The following MACROD2 variants were observed in gnomAD, a reference collection of about 807,000 sequenced individuals.
MACROD2 encodes the protein ADP-ribose glycohydrolase MACROD2.
MACROD2 carries 36 observed loss-of-function variants against 70.4 expected under a neutral mutation model. That is an observed-to-expected ratio of 0.51 (90% CI 0.39 to 0.68). The LOEUF is 0.68. MACROD2 is among the 30% of genes least tolerant of loss of function. The pLI is 0.00. For missense variants in MACROD2, 496 were observed against 538.4 expected (o/e 0.92, Z 0.78); for synonymous variants, 172 against 178.8 (o/e 0.96, Z 0.30).
chr20:15,729,803 C>G (rs2050917712), intron 8 of MACROD2, among the ~76,000 whole-genome samples: 1 of 123,818 alleles, frequency 8.1e-6, no homozygotes, highest in East Asian at 2.3e-4. Flanking sequence ...AGATGGGTGT[C>G]TTGAACACAG....
intron 5 of MACROD2, among the ~76,000 whole-genome samples, chr20:14,872,277 G>A (rs778145734): frequency 6.6e-6 from 1 of 152,124 alleles, no homozygotes; most frequent in African/African-American, 2.4e-5. Flanking sequence ...GAGAGTGGAG[G>A]ATTTTATGGC....
chr20:15,727,515 A>G (rs1237344515), intron 8 of MACROD2, among the ~76,000 whole-genome samples: 3 of 152,126 alleles, frequency 2.0e-5, no homozygotes, highest in African/African-American at 7.2e-5. Flanking sequence ...TTGAGTTGGT[A>G]GCTTGCTTTG....
Position 15,340,240 on chromosome 20 carries a change from G to A in MACROD2, c.541-91165G>A, listed in dbSNP as rs557901009. Among the ~76,000 whole-genome samples, 31 of 140,896 alleles carry A rather than the reference G, an allele frequency of 2.2e-4. No homozygotes were observed. In the Admixed American group the frequency reaches 2.3e-3, roughly 10 times the overall value. The allele number at this position is 140,896 out of a possible 152,430, so 92.4% of individuals were successfully genotyped here. A position where few individuals can be genotyped will look rare whatever the true frequency, so the allele number is the denominator to read the frequency against. On this transcript the variant is annotated intron_variant, in intron 6 of 17. Coordinates refer to ENST00000684519, the MANE Select transcript of MACROD2 (RefSeq NM_001351661.2). Reference sequence around the variant, plus strand: ...TGCAACCTCTGCCTCCCAGGTTCAAGCAATTCTCTGCCTCAGCCTCCTGAG... The same window carrying A: ...TGCAACCTCTGCCTCCCAGGTTCAAACAATTCTCTGCCTCAGCCTCCTGAG...
At chr20:15,363,891 A>G (rs1262237608) in intron 6 of MACROD2, among the ~76,000 whole-genome samples, 1 of 152,180 alleles carries the variant, frequency 6.6e-6, no homozygotes, top group Non-Finnish European at 1.5e-5. Context: ...CATATGTTAC[A>G]AGCTACAAGG....
Position 15,521,584 on chromosome 20 carries a change from G to GGGAGAC in MACROD2, c.645+21738_645+21743dup, listed in dbSNP as rs1196742191. The stretch of plus-strand genomic sequence containing the variant: ...ATATTCATAAACTGCCTTTGGATCT[G>GGGAGAC]GGAGACAGAGAGTTTTATGAAACTG... On this transcript the variant is annotated intron_variant, in intron 8 of 17. Coordinates refer to ENST00000684519, the MANE Select transcript of MACROD2 (RefSeq NM_001351661.2). 7.2e-5 allele frequency among the ~76,000 whole-genome samples: 11 copies of GGGAGAC among 152,276 alleles called. No individual in the cohort carries two copies. In the East Asian group the frequency reaches 2.1e-3, roughly 29 times the overall value.
At chr20:15,533,544 GCTCTCTCTCTCTCT>G (rs3071260) in intron 8 of MACROD2, among the ~76,000 whole-genome samples, 16,221 of 141,138 alleles carry the variant, frequency 0.11, 1,014 homozygotes, top group East Asian at 0.3. Flanking sequence ...TGTCTCTGTC[GCTCTCTCTCTCTCT>G]CTCTCTCTCT....
At chr20:14,975,955 A>G (rs76989079) in intron 5 of MACROD2, among the ~76,000 whole-genome samples, 1,669 of 152,226 alleles carry the variant, frequency 0.011, 30 homozygotes, top group African/African-American at 0.038. Context: ...CTTTCAACGG[A>G]ATTAACAGGC....
chr20:14,446,515 G>A (rs2084184660), intron 3 of MACROD2, among the ~76,000 whole-genome samples: 1 of 151,872 alleles, frequency 6.6e-6, no homozygotes, highest in African/African-American at 2.4e-5. Context: ...GATGAACCTG[G>A]AAGGAACTTT....
intron 4 of MACROD2, among the ~76,000 whole-genome samples, chr20:14,609,065 T>C (rs895246537): frequency 4.6e-5 from 7 of 152,070 alleles, no homozygotes; most frequent in Non-Finnish European, 2.9e-5. Flanking sequence ...GCTGATTTTG[T>C]TTTTGTCACA....
At chr20:15,491,079 C>G (rs148287712) in intron 7 of MACROD2, among the ~76,000 whole-genome samples, 1 of 152,174 alleles carries the variant, frequency 6.6e-6, no homozygotes, top group African/African-American at 2.4e-5. Context: ...GTGACTTATA[C>G]ATAATAATTG....
intron 3 of MACROD2, among the ~76,000 whole-genome samples, chr20:14,403,333 C>T (rs1015546689): frequency 6.6e-6 from 1 of 152,042 alleles, no homozygotes; most frequent in African/African-American, 2.4e-5. Flanking sequence ...TTTGACATTA[C>T]CTTAATGTCT....
At chr20:14,826,835 A>C (rs1305266292) in intron 5 of MACROD2, among the ~76,000 whole-genome samples, 1 of 152,080 alleles carries the variant, frequency 6.6e-6, no homozygotes, top group East Asian at 1.9e-4. Context: ...TAGTTTTATA[A>C]TTTTAGCAAT....
intron 6 of MACROD2, among the ~76,000 whole-genome samples, chr20:15,301,168 G>C (rs560268346): frequency 6.6e-6 from 1 of 152,202 alleles, no homozygotes; most frequent in Non-Finnish European, 1.5e-5. Flanking sequence ...CCACTGGGAG[G>C]GTGGGCATGT....
intron 5 of MACROD2, among the ~76,000 whole-genome samples, chr20:15,074,516 A>G (rs1229231287): frequency 1.3e-5 from 2 of 152,164 alleles, no homozygotes; most frequent in Non-Finnish European, 2.9e-5. Flanking sequence ...GGGAACCTCG[A>G]TTTAGAGCTG....
intron 8 of MACROD2, among the ~76,000 whole-genome samples, chr20:15,570,640 A>G (rs576958013): frequency 1.6e-4 from 24 of 152,318 alleles, no homozygotes; most frequent in African/African-American, 4.6e-4. Flanking sequence ...GTTGTTCTCC[A>G]TGCTGGCTTT....
chr20:14,787,568 G>C (rs1382293619), intron 5 of MACROD2, among the ~76,000 whole-genome samples: 1 of 152,058 alleles, frequency 6.6e-6, no homozygotes, highest in Non-Finnish European at 1.5e-5. Flanking sequence ...TCCTTGTTCT[G>C]CTTTATCTTC....
intron 8 of MACROD2, among the ~76,000 whole-genome samples, chr20:15,675,540 A>C (rs2050045423): frequency 6.6e-6 from 1 of 152,254 alleles, no homozygotes; most frequent in Non-Finnish European, 1.5e-5. Context: ...TATCTTTAAC[A>C]GTTTAGCGCT....
At chr20:15,792,119 G>T (rs1349507017) in intron 8 of MACROD2, among the ~76,000 whole-genome samples, 1 of 152,044 alleles carries the variant, frequency 6.6e-6, no homozygotes, top group Non-Finnish European at 1.5e-5. Context: ...GGTAATACTG[G>T]CATTCAAATC....
intron 2 of MACROD2, among the ~76,000 whole-genome samples, chr20:14,030,224 G>A (rs2053229612): frequency 2.6e-5 from 4 of 151,974 alleles, no homozygotes; most frequent in Non-Finnish European, 5.9e-5. Flanking sequence ...TTTTTGTAGA[G>A]ACAGGATCTT....
Sources: allele counts gnomAD v4.1 joint callset (sites outside exome capture counted in the v4.1 genomes callset), GRCh38; gene constraint gnomAD v4.1.1; transcripts MANE v1.5; gene names NCBI Gene and HGNC (gene_info 2026-07-23, HGNC 2026-07-21).